Variants in PRUNE2 observed in about 807,000 individuals in gnomAD.
PRUNE2 encodes protein prune homolog 2.
Under a neutral mutation model 252.0 loss-of-function variants are expected in PRUNE2, and 164 were observed. That is an observed-to-expected ratio of 0.65 (90% CI 0.57 to 0.74). The LOEUF (loss-of-function observed/expected upper bound fraction) is 0.74, where lower values mean the gene tolerates loss of function less well. Ranked by LOEUF, PRUNE2 falls within the 30% of genes least tolerant of loss-of-function variation. The pLI is 0.00. For synonymous variants in PRUNE2, 1,292 were observed against 1,350.2 expected, an observed-to-expected ratio of 0.96 and a Z score of 0.94; for missense variants, 3,495 against 3,711.0, an observed-to-expected ratio of 0.94 and a Z score of 1.51.
At chr9:76,790,391 G>A (rs1257455879) in intron 6 of PRUNE2, among the ~76,000 whole-genome samples, 1 of 152,096 alleles carries the variant, frequency 6.6e-6, no homozygotes, top group Non-Finnish European at 1.5e-5. Context: ...CTAGTTAATG[G>A]GGAATTTTCA....
chr9:76,736,716 T>C (rs2049108174), intron 6 of PRUNE2: 1 of 152,210 alleles, frequency 6.6e-6, no homozygotes, highest in African/African-American at 2.4e-5. Flanking sequence ...CACTTCCTAA[T>C]ACTATCATTT....
At chr9:76,678,349 C>CAAAAAAAAAAA (rs58096428) in intron 9 of PRUNE2, among the ~76,000 whole-genome samples, 1 of 83,116 alleles carries the variant, frequency 1.2e-5, no homozygotes, top group Non-Finnish European at 2.1e-5. Context: ...GAGACTCCAT[C>CAAAAAAAAAAA]AAAAAAAAAA....
intron 4 of PRUNE2, among the ~76,000 whole-genome samples, chr9:76,838,507 T>C (rs1377298816): frequency 6.6e-6 from 1 of 151,896 alleles, no homozygotes; most frequent in Non-Finnish European, 1.5e-5. Context: ...TAGTGGGGCA[T>C]GGTGGCAGAT....
chr9:76,679,203 T>C (rs1295732769), intron 9 of PRUNE2, among the ~76,000 whole-genome samples: 1 of 152,242 alleles, frequency 6.6e-6, no homozygotes, highest in African/African-American at 2.4e-5. Context: ...TAGGGAACAC[T>C]GCCTTGCCAA....
At chr9:76,670,423 T>C (rs978260401) in intron 9 of PRUNE2, among the ~76,000 whole-genome samples, 35 of 151,960 alleles carry the variant, frequency 2.3e-4, no homozygotes, top group African/African-American at 8.0e-4. Context: ...TCTCGCTGAT[T>C]GCTAGCACAG....
At chr9:76,865,415 G>A (rs773671054) in intron 1 of PRUNE2, among the ~76,000 whole-genome samples, 1 of 152,182 alleles carries the variant, frequency 6.6e-6, no homozygotes, top group African/African-American at 2.4e-5. Context: ...AGAAATAAAT[G>A]TATGCATTAA....
At chr9:76,670,403 A>G (rs1405822925) in intron 9 of PRUNE2, among the ~76,000 whole-genome samples, 5 of 151,838 alleles carry the variant, frequency 3.3e-5, no homozygotes, top group South Asian at 2.1e-4. Flanking sequence ...AGGGTCCTAC[A>G]CCCACGGAGT....
chr9:76,824,276 A>T (rs2058216129), intron 5 of PRUNE2, among the ~76,000 whole-genome samples: 1 of 152,222 alleles, frequency 6.6e-6, no homozygotes, highest in African/African-American at 2.4e-5. Context: ...AGACAAAGGC[A>T]GGGAATAAAA....
chr9:76,695,910 A>G (rs920713041), intron 9 of PRUNE2, among the ~76,000 whole-genome samples: 4 of 149,484 alleles, frequency 2.7e-5, no homozygotes, highest in Non-Finnish European at 3.0e-5. Flanking sequence ...TTTCAGATGG[A>G]AAAAAAAAAG....
chr9:76,722,056 C>T (rs190152598), intron 6 of PRUNE2, among the ~76,000 whole-genome samples: 118 of 151,504 alleles, frequency 7.8e-4, no homozygotes, highest in African/African-American at 2.8e-3. Context: ...TATTTATACT[C>T]TATTGTTCTT....
chr9:76,633,441 C>T (rs757023500), intron 15 of PRUNE2, among the ~76,000 whole-genome samples: 3 of 150,984 alleles, frequency 2.0e-5, no homozygotes, highest in Non-Finnish European at 4.4e-5. Context: ...CTTAGCCAGG[C>T]GTGGTGGTAC....
intron 6 of PRUNE2, among the ~76,000 whole-genome samples, chr9:76,751,964 G>A (rs1402216455): frequency 6.6e-6 from 1 of 152,132 alleles, no homozygotes; most frequent in Non-Finnish European, 1.5e-5. Flanking sequence ...CCCCAAGACA[G>A]ATAGATTAGT....
intron 6 of PRUNE2, among the ~76,000 whole-genome samples, chr9:76,795,861 T>A (rs1489390400): frequency 6.6e-6 from 1 of 152,192 alleles, no homozygotes. Flanking sequence ...CCATTTAATA[T>A]TGAAGTACTT....
chr9:76,689,421 T>C (rs2044470386), intron 9 of PRUNE2, among the ~76,000 whole-genome samples: 1 of 152,150 alleles, frequency 6.6e-6, no homozygotes, highest in African/African-American at 2.4e-5. Flanking sequence ...AGTGGCATGA[T>C]CATAGCTCAC....
intron 1 of PRUNE2, chr9:76,856,667 A>G (rs1655329234): frequency 6.4e-6 from 1 of 156,170 alleles, no homozygotes; most frequent in Non-Finnish European, 1.4e-5. Context: ...CCATTTAAAG[A>G]GAAAAAGGTA....
At chr9:76,719,155 T>G (rs569573452) in intron 6 of PRUNE2, among the ~76,000 whole-genome samples, 1 of 152,268 alleles carries the variant, frequency 6.6e-6, no homozygotes, top group South Asian at 2.1e-4. Flanking sequence ...AGAGGCAGCT[T>G]TTAAAAATAT....
chr9:76,648,369 A>G (rs1399832318), intron 11 of PRUNE2, among the ~76,000 whole-genome samples: 1 of 152,218 alleles, frequency 6.6e-6, no homozygotes, highest in East Asian at 1.9e-4. Context: ...CTTCACATGT[A>G]TGTTTATAGC....
intron 5 of PRUNE2, 109 bp downstream of exon 5, chr9:76,826,471 T>TA (rs2058352383): frequency 1.7e-5 from 15 of 862,322 alleles, no homozygotes; most frequent in East Asian, 5.3e-5. Context: ...AGACTCTGTA[T>TA]AAAAAACAAA....
rs114843477 is a variant in PRUNE2 at position 76,681,054 on chromosome 9, T to C, written c.8276+22283A>G. Among the ~76,000 whole-genome samples, 860 of 152,278 alleles carry C rather than the reference T, an allele frequency of 5.6e-3. 8 individuals are homozygous for C. The highest frequency in any genetic ancestry group is 0.02 in the African/African-American group (821 of 41,552). ...CAATGGATAAAGAAAATGTGGTATA[T>C]GCATACACGAAATATTATTCAGCCT... On this transcript the variant is annotated intron_variant, in intron 9 of 18. Coordinates refer to ENST00000376718, the MANE Select transcript of PRUNE2 (RefSeq NM_015225.3).
Sources: gnomAD v4.1 joint callset for allele counts (sites outside exome capture counted in the v4.1 genomes callset) on GRCh38, gnomAD v4.1.1 for gene constraint, MANE v1.5 for transcripts, NCBI Gene and HGNC (gene_info 2026-07-23, HGNC 2026-07-21) for gene names.